Variants in STXBP6 observed in about 807,000 individuals in gnomAD.
STXBP6 encodes the protein syntaxin binding protein 6, also known as syntaxin-binding protein 6.
In STXBP6, 21 loss-of-function variants were observed where a neutral mutation model predicts 26.9. The ratio of observed to expected loss-of-function variants is 0.78; its 90% CI spans 0.55 to 1.12. STXBP6 has a LOEUF of 1.12. Ranked by LOEUF, STXBP6 falls within the 50% of genes most tolerant of loss-of-function variation. The pLI is 0.00. For synonymous variants in STXBP6, 97 were observed against 92.6 expected, an observed-to-expected ratio of 1.05 and a Z score of -0.27; for missense variants, 232 against 257.9, an observed-to-expected ratio of 0.90 and a Z score of 0.69.
chr14:25,040,917 G>T (rs1372677262), intron 1 of STXBP6, among the ~76,000 whole-genome samples: 1 of 152,184 alleles, frequency 6.6e-6, no homozygotes, highest in Non-Finnish European at 1.5e-5. Context: ...TGACAAAAAA[G>T]GATCTGAAGT....
At chr14:25,040,788 C>G (rs1040493401) in intron 1 of STXBP6, among the ~76,000 whole-genome samples, 3 of 152,096 alleles carry the variant, frequency 2.0e-5, no homozygotes, top group Non-Finnish European at 4.4e-5. Context: ...TGAAGGAGTT[C>G]ACAATCCAGT....
At chr14:24,941,354 A>AT (rs2072796562) in intron 2 of STXBP6, among the ~76,000 whole-genome samples, 1 of 152,226 alleles carries the variant, frequency 6.6e-6, no homozygotes, top group Non-Finnish European at 1.5e-5. Flanking sequence ...AGGAGGCCTC[A>AT]TGCAGGCCTC....
At chr14:24,871,522 A>G (rs1387603476) in intron 2 of STXBP6, among the ~76,000 whole-genome samples, 2 of 152,192 alleles carry the variant, frequency 1.3e-5, no homozygotes, top group African/African-American at 4.8e-5. Flanking sequence ...ATCAAGCTGT[A>G]CATTAGGAAT....
chr14:24,988,881 G>A (rs1363784186), intron 1 of STXBP6, among the ~76,000 whole-genome samples: 1 of 152,172 alleles, frequency 6.6e-6, no homozygotes, highest in African/African-American at 2.4e-5. Flanking sequence ...CGTCCATTTG[G>A]TACTAAGTGT....
chr14:24,878,348 T>C lies in STXBP6; in HGVS notation c.155-21191A>G, dbSNP rs1255792518. Among the ~76,000 whole-genome samples, 4 of 152,270 alleles carry C rather than the reference T, an allele frequency of 2.6e-5. No individual in the cohort carries two copies. In the East Asian group the frequency reaches 7.7e-4, roughly 29 times the overall value. On this transcript the variant is annotated intron_variant, in intron 2 of 5. Transcript: ENST00000323944. ...AATTTTCTGGTTTTACTTTTTAATATTTAAATATTTCATCTGTTTGAAATT... is the reference window on the plus strand; with the variant it reads ...AATTTTCTGGTTTTACTTTTTAATACTTAAATATTTCATCTGTTTGAAATT...
At chr14:25,031,947 A>G (rs1161014423) in intron 1 of STXBP6, among the ~76,000 whole-genome samples, 1 of 152,204 alleles carries the variant, frequency 6.6e-6, no homozygotes, top group Non-Finnish European at 1.5e-5. Flanking sequence ...AACTAAAGGA[A>G]GAAATGGACA....
intron 4 of STXBP6, among the ~76,000 whole-genome samples, chr14:24,824,734 A>G (rs1169673587): frequency 6.6e-6 from 1 of 152,248 alleles, no homozygotes; most frequent in Non-Finnish European, 1.5e-5. Context: ...TCCAAACGGA[A>G]GAGTTGTTAA....
intron 1 of STXBP6, among the ~76,000 whole-genome samples, chr14:25,025,730 G>A (rs1342614596): frequency 6.6e-6 from 1 of 152,136 alleles, no homozygotes; most frequent in Non-Finnish European, 1.5e-5. Flanking sequence ...TAAGTATCAC[G>A]AGGGACACTC....
chr14:24,857,097 G>A lies in STXBP6; in HGVS notation c.215C>T (p.Thr72Ile), dbSNP rs777800153. ...CCACTGTGATCTCCGAACAAATGAT[G>A]TGGAGCCTTCAAACTGTTTGACCTT... ...ITKVKQFEGS[T>I]SFVRRSQWML... is the part of the protein sequence containing the mutation. The change falls in exon 3 of 6, where the codon ACA (threonine) becomes ATA (isoleucine). Residue 72 changes from threonine (T) to isoleucine (I), a missense_variant. Transcript: ENST00000323944. 1.2e-6 allele frequency: 2 copies of A among 1,613,096 alleles called. No homozygotes were observed. The highest frequency in any genetic ancestry group is 2.2e-5 in the East Asian group (1 of 44,858).
chr14:24,817,947 A>G (rs931532600), intron 5 of STXBP6: 1 of 425,616 alleles, frequency 2.3e-6, no homozygotes, highest in Non-Finnish European at 4.7e-6. Flanking sequence ...TCATCCACTT[A>G]GAGCTGGATC....
At chr14:24,885,405 G>A (rs1411903131) in intron 2 of STXBP6, among the ~76,000 whole-genome samples, 1 of 152,162 alleles carries the variant, frequency 6.6e-6, no homozygotes. Context: ...AGGCCACAGG[G>A]TAAACTGCTA....
At chr14:25,002,810 C>A (rs1031211419) in intron 1 of STXBP6, among the ~76,000 whole-genome samples, 1 of 151,826 alleles carries the variant, frequency 6.6e-6, no homozygotes, top group African/African-American at 2.4e-5. Context: ...TCTTGTTGCC[C>A]AGGCTGGGCA....
intron 1 of STXBP6, among the ~76,000 whole-genome samples, chr14:24,989,207 T>G (rs985229824): frequency 2.6e-5 from 4 of 152,192 alleles, no homozygotes; most frequent in Non-Finnish European, 5.9e-5. Flanking sequence ...CAGGTGACCA[T>G]CATCCAGATT....
At chr14:24,830,415 G>A (rs2068422168) in intron 4 of STXBP6, among the ~76,000 whole-genome samples, 1 of 152,136 alleles carries the variant, frequency 6.6e-6, no homozygotes, top group African/African-American at 2.4e-5. Context: ...TGTATGGAAA[G>A]ATTTGAGATA....
At chr14:24,978,482 A>G (rs1266076230) in intron 1 of STXBP6, among the ~76,000 whole-genome samples, 1 of 152,192 alleles carries the variant, frequency 6.6e-6, no homozygotes, top group African/African-American at 2.4e-5. Flanking sequence ...TTGGTAAATC[A>G]TTGTCCATCC....
chr14:24,890,737 T>C (rs1200776224), intron 2 of STXBP6, among the ~76,000 whole-genome samples: 1 of 152,208 alleles, frequency 6.6e-6, no homozygotes, highest in Non-Finnish European at 1.5e-5. Flanking sequence ...AAAAAATGTA[T>C]TCCTTTGAAA....
At chr14:24,943,128 GGT>G (rs1162092045) in intron 2 of STXBP6, among the ~76,000 whole-genome samples, 3 of 152,098 alleles carry the variant, frequency 2.0e-5, no homozygotes, top group Non-Finnish European at 2.9e-5. Flanking sequence ...CTGGGGGTGG[GGT>G]GTGAGGCAAG....
chr14:25,003,697 TA>T (rs1255706273), intron 1 of STXBP6, among the ~76,000 whole-genome samples: 1 of 151,760 alleles, frequency 6.6e-6, no homozygotes. Flanking sequence ...CACATCCTAC[TA>T]CACTGATACA....
intron 2 of STXBP6, among the ~76,000 whole-genome samples, chr14:24,868,808 A>G (rs1368551447): frequency 1.3e-5 from 2 of 152,174 alleles, no homozygotes; most frequent in South Asian, 2.1e-4. Context: ...AAACAGAGAG[A>G]AAAGGGATAG....
Sources: gnomAD v4.1 joint callset for allele counts (sites outside exome capture counted in the v4.1 genomes callset) on GRCh38, gnomAD v4.1.1 for gene constraint, MANE v1.5 for transcripts, NCBI Gene and HGNC (gene_info 2026-07-23, HGNC 2026-07-21) for gene names.